B3GALT1: variants seen among roughly 807,000 people sequenced by gnomAD.
B3GALT1 encodes beta-1,3-galactosyltransferase 1, also known as UDP-Gal:betaGlcNAc beta 1,3-galactosyltransferase, polypeptide 1.
B3GALT1 carries 10 observed loss-of-function variants against 23.2 expected under a neutral mutation model. The ratio of observed to expected loss-of-function variants is 0.43; its 90% CI spans 0.27 to 0.73. The LOEUF (loss-of-function observed/expected upper bound fraction) is 0.73, where lower values mean the gene tolerates loss of function less well. Ranked by LOEUF, B3GALT1 falls within the 30% of genes least tolerant of loss-of-function variation. B3GALT1 has a pLI of 0.21. For missense variants in B3GALT1, 299 were observed against 405.4 expected (o/e 0.74, Z 2.25); for synonymous variants, 156 against 141.5 (o/e 1.10, Z -0.73).
intron 1 of B3GALT1, among the ~76,000 whole-genome samples, chr2:167,380,631 C>T (rs1232218092): frequency 6.6e-6 from 1 of 152,116 alleles, no homozygotes; most frequent in African/African-American, 2.4e-5. Context: ...TGTTCTCAGT[C>T]CTGGGTCTGG....
intron 3 of B3GALT1, chr2:167,714,798 G>A: frequency 1.2e-6 from 2 of 1,612,840 alleles, no homozygotes; most frequent in East Asian, 2.2e-5. Flanking sequence ...TCAGTGACAT[G>A]GCTGATCTTT....
intron 3 of B3GALT1, among the ~76,000 whole-genome samples, chr2:167,740,211 C>T (rs1307545477): frequency 2.6e-5 from 4 of 151,904 alleles, no homozygotes; most frequent in Admixed American, 6.6e-5. Context: ...ATAAATGGAA[C>T]ACATTTAATA....
chr2:167,669,455 A>C (rs1453790777), intron 3 of B3GALT1, among the ~76,000 whole-genome samples: 1 of 152,070 alleles, frequency 6.6e-6, no homozygotes, highest in Non-Finnish European at 1.5e-5. Context: ...AGATATGGAG[A>C]GGAATAATGG....
chr2:167,803,637 C>A (rs957918522), intron 3 of B3GALT1, among the ~76,000 whole-genome samples: 1 of 152,260 alleles, frequency 6.6e-6, no homozygotes, highest in Admixed American at 6.5e-5. Context: ...TAGCAGCTCA[C>A]CCATCCCTTT....
intron 2 of B3GALT1, among the ~76,000 whole-genome samples, chr2:167,585,420 A>G (rs1327773314): frequency 6.6e-6 from 1 of 152,188 alleles, no homozygotes; most frequent in Non-Finnish European, 1.5e-5. Context: ...GGCTATCCAA[A>G]TGGACAATAA....
At chr2:167,536,458 T>C (rs1425188629) in intron 2 of B3GALT1, among the ~76,000 whole-genome samples, 3 of 152,164 alleles carry the variant, frequency 2.0e-5, no homozygotes, top group Non-Finnish European at 4.4e-5. Flanking sequence ...TAGGAAACAT[T>C]TTATTTGTCC....
intron 3 of B3GALT1, among the ~76,000 whole-genome samples, chr2:167,816,825 C>T (rs893337087): frequency 6.6e-6 from 1 of 152,086 alleles, no homozygotes; most frequent in Non-Finnish European, 1.5e-5. Flanking sequence ...CTAGTAAGTG[C>T]TATATGCACT....
At chr2:167,795,287 T>G (rs1688527641) in intron 3 of B3GALT1, among the ~76,000 whole-genome samples, 1 of 152,224 alleles carries the variant, frequency 6.6e-6, no homozygotes, top group Admixed American at 6.5e-5. Context: ...TTCATATTAT[T>G]TTCTCCAAAA....
chr2:167,551,727 G>A lies in B3GALT1; in HGVS notation c.-410+61450G>A, dbSNP rs549090356. Among the ~76,000 whole-genome samples, 5 of 152,168 alleles carry A rather than the reference G, an allele frequency of 3.3e-5. No homozygotes were observed. The East Asian group carries it at 9.7e-4, about 29-fold the overall frequency. ...TTTTCTAATTTAACCACCCAGACGA[G>A]GCACATTTTCTTAAATTCACACAGA... On this transcript the variant is annotated intron_variant, in intron 2 of 4. Coordinates refer to ENST00000392690, the MANE Select transcript of B3GALT1 (RefSeq NM_020981.4).
intron 1 of B3GALT1, among the ~76,000 whole-genome samples, chr2:167,338,960 T>A (rs186688809): frequency 6.6e-6 from 1 of 152,268 alleles, no homozygotes; most frequent in Admixed American, 6.5e-5. Context: ...TTACAGAGGC[T>A]GATTAATCTT....
At chr2:167,480,325 C>T (rs1699544760) in intron 1 of B3GALT1, among the ~76,000 whole-genome samples, 1 of 152,146 alleles carries the variant, frequency 6.6e-6, no homozygotes, top group African/African-American at 2.4e-5. Flanking sequence ...AAACTAAACT[C>T]CTCCCATGCC....
At chr2:167,455,756 G>A (rs568912530) in intron 1 of B3GALT1, among the ~76,000 whole-genome samples, 38 of 152,160 alleles carry the variant, frequency 2.5e-4, no homozygotes, top group Admixed American at 5.9e-4. Context: ...CAGGCTATCC[G>A]CCTGCCTAAG....
intron 3 of B3GALT1, among the ~76,000 whole-genome samples, chr2:167,665,431 G>T (rs1234736121): frequency 6.8e-6 from 1 of 148,066 alleles, no homozygotes; most frequent in Admixed American, 6.7e-5. Flanking sequence ...TCTCTTTTTT[G>T]GTTGTGTCTC....
At chr2:167,441,519 A>G (rs1157270116) in intron 1 of B3GALT1, among the ~76,000 whole-genome samples, 5 of 152,096 alleles carry the variant, frequency 3.3e-5, no homozygotes, top group African/African-American at 4.8e-5. Context: ...TACATTTTAT[A>G]TGGTTTCTCC....
intron 4 of B3GALT1, among the ~76,000 whole-genome samples, chr2:167,837,199 G>A (rs1225000211): frequency 6.6e-6 from 1 of 152,156 alleles, no homozygotes; most frequent in East Asian, 1.9e-4. Context: ...AATGTAAATA[G>A]ACTAAATGCT....
intron 2 of B3GALT1, among the ~76,000 whole-genome samples, chr2:167,596,450 C>T (rs1369932225): frequency 2.0e-5 from 3 of 152,176 alleles, no homozygotes; most frequent in Non-Finnish European, 2.9e-5. Flanking sequence ...AACCTTAGAA[C>T]AGGTACCTAC....
chr2:167,605,900 AT>A (rs2105427804), intron 2 of B3GALT1, among the ~76,000 whole-genome samples: 1 of 152,310 alleles, frequency 6.6e-6, no homozygotes, highest in Non-Finnish European at 1.5e-5. Context: ...GGATTTGAGT[AT>A]AACTCTATCT....
intron 1 of B3GALT1, among the ~76,000 whole-genome samples, chr2:167,469,229 C>T (rs1699390417): frequency 6.6e-6 from 1 of 152,136 alleles, no homozygotes; most frequent in South Asian, 2.1e-4. Context: ...AAACCCTATG[C>T]CACCTCTTGC....
intron 1 of B3GALT1, among the ~76,000 whole-genome samples, chr2:167,410,335 C>CA (rs1259783695): frequency 2.0e-5 from 3 of 151,812 alleles, no homozygotes; most frequent in African/African-American, 7.3e-5. Flanking sequence ...ACTAAAAATA[C>CA]AAAAAATGAG....
Sources: gnomAD v4.1 joint callset for allele counts (sites outside exome capture counted in the v4.1 genomes callset) on GRCh38, gnomAD v4.1.1 for gene constraint, MANE v1.5 for transcripts, NCBI Gene and HGNC (gene_info 2026-07-23, HGNC 2026-07-21) for gene names.